The following LRRC8D variants were observed in gnomAD, a reference collection of about 807,000 sequenced individuals.
The protein encoded by LRRC8D is leucine rich repeat containing 8 VRAC subunit D.
Under a neutral mutation model 55.8 loss-of-function variants are expected in LRRC8D, and 20 were observed. That is an observed-to-expected ratio of 0.36 (90% confidence interval 0.25 to 0.52). LRRC8D has a LOEUF of 0.52. Ranked by LOEUF, LRRC8D falls within the 20% of genes least tolerant of loss-of-function variation. The probability of loss-of-function intolerance (pLI) is 0.93; values close to 1 mark genes in which losing one functional copy is unlikely to be tolerated. For missense variants in LRRC8D, 651 were observed against 1,030.8 expected, an observed-to-expected ratio of 0.63 and a Z score of 5.05; for synonymous variants, 352 against 377.0, an observed-to-expected ratio of 0.93 and a Z score of 0.77.
intron 2 of LRRC8D, among the ~76,000 whole-genome samples, chr1:89,908,155 A>G (rs552208500): frequency 6.6e-6 from 1 of 152,362 alleles, no homozygotes; most frequent in Admixed American, 6.5e-5. Context: ...GTATCATTTT[A>G]AGGATCAACC....
intron 2 of LRRC8D, among the ~76,000 whole-genome samples, chr1:89,909,165 C>G (rs1320715124): frequency 6.6e-6 from 1 of 152,072 alleles, no homozygotes; most frequent in Non-Finnish European, 1.5e-5. Context: ...GGGCAGGAAG[C>G]TCTATGTGAG....
chr1:89,892,442 C>T (rs974483257), intron 2 of LRRC8D, among the ~76,000 whole-genome samples: 2 of 152,120 alleles, frequency 1.3e-5, no homozygotes, highest in Non-Finnish European at 2.9e-5. Flanking sequence ...CCAAGTTCCC[C>T]GCTTGGCATT....
chr1:89,843,177 C>T (rs1374095928), intron 1 of LRRC8D: 3 of 153,412 alleles, frequency 2.0e-5, no homozygotes, highest in Middle Eastern at 3.4e-3. Flanking sequence ...GCCCCTACTC[C>T]CCTGCAAAGG....
intron 2 of LRRC8D, among the ~76,000 whole-genome samples, chr1:89,844,204 G>C (rs972783375): frequency 1.3e-5 from 2 of 152,236 alleles, no homozygotes; most frequent in African/African-American, 4.8e-5. Context: ...GGTGGTGGGA[G>C]GGTAAGGGGT....
intron 2 of LRRC8D, among the ~76,000 whole-genome samples, chr1:89,926,524 A>C (rs1294035978): frequency 6.6e-6 from 1 of 152,234 alleles, no homozygotes; most frequent in African/African-American, 2.4e-5. Context: ...TAAGCCAAGG[A>C]CAACAGTGAG....
In LRRC8D at chr1:89,821,077, TGCTGCC is replaced by T. The variant is rs3033165; in HGVS notation, c.-347_-342del. On this transcript the variant is annotated 5_prime_UTR_variant, in exon 1 of 3. Coordinates refer to ENST00000337338, the MANE Select transcript of LRRC8D (RefSeq NM_001134479.2). ...CATGTGCTGCTGCTCCCGTCGCCGC[TGCTGCC>T]GCTGCCGCTGCCGCCGCCCGTGGTG... The T allele has an allele frequency of 0.98, 150,074 of 153,336 alleles. 73,447 individuals are homozygous for T. Among genetic ancestry groups the T allele is most frequent in the South Asian group, 0.99 (5,599 of 5,630 alleles). The allele number at this position is 153,336 out of a possible 1,614,324, so 9.5% of individuals were successfully genotyped here. A position where few individuals can be genotyped will look rare whatever the true frequency, so the allele number is the denominator to read the frequency against.
chr1:89,903,384 A>G (rs1570875756), intron 2 of LRRC8D, among the ~76,000 whole-genome samples: 1 of 152,182 alleles, frequency 6.6e-6, no homozygotes, highest in African/African-American at 2.4e-5. Context: ...CTTCTCTGTA[A>G]CGGCATCTTT....
chr1:89,869,579 C>G (rs975273131), intron 2 of LRRC8D, among the ~76,000 whole-genome samples: 2 of 152,030 alleles, frequency 1.3e-5, no homozygotes, highest in Non-Finnish European at 2.9e-5. Flanking sequence ...GCAAGACATG[C>G]CGACATTCAA....
intron 1 of LRRC8D, among the ~76,000 whole-genome samples, chr1:89,841,262 T>G (rs1661123957): frequency 6.6e-6 from 1 of 152,220 alleles, no homozygotes; most frequent in Admixed American, 6.5e-5. Context: ...CCTTGCAGTC[T>G]TCTTCCCCGC....
intron 2 of LRRC8D, among the ~76,000 whole-genome samples, chr1:89,857,163 A>T (rs1361561296): frequency 6.6e-6 from 1 of 152,006 alleles, no homozygotes; most frequent in East Asian, 1.9e-4. Flanking sequence ...CAGGTGGATC[A>T]CCTGAGGTTG....
chr1:89,829,312 A>C (rs1054273371), intron 1 of LRRC8D, among the ~76,000 whole-genome samples: 1 of 152,238 alleles, frequency 6.6e-6, no homozygotes, highest in South Asian at 2.1e-4. Context: ...TGGAATTTAC[A>C]TGCATTCTCA....
intron 2 of LRRC8D, among the ~76,000 whole-genome samples, chr1:89,886,684 G>T (rs1662428717): frequency 6.6e-6 from 1 of 152,132 alleles, no homozygotes; most frequent in Non-Finnish European, 1.5e-5. Flanking sequence ...TAATAAAACG[G>T]AAATATGCAC....
intron 2 of LRRC8D, among the ~76,000 whole-genome samples, chr1:89,914,612 T>G (rs1304033080): frequency 6.6e-6 from 1 of 152,210 alleles, no homozygotes; most frequent in Admixed American, 6.5e-5. Context: ...TGGCCTATAA[T>G]TAGGGTGACA....
intron 2 of LRRC8D, among the ~76,000 whole-genome samples, chr1:89,878,963 G>T (rs143344918): frequency 6.5e-5 from 8 of 122,814 alleles, no homozygotes; most frequent in Non-Finnish European, 1.4e-4. Flanking sequence ...GCGAAAATCC[G>T]TCTCAAAAAA....
chr1:89,905,351 AC>A (rs1315776890), intron 2 of LRRC8D, among the ~76,000 whole-genome samples: 1 of 152,240 alleles, frequency 6.6e-6, no homozygotes, highest in Non-Finnish European at 1.5e-5. Context: ...GCCTCCCAAG[AC>A]TTTTATGGGA....
chr1:89,844,205 G>A (rs1661217195), intron 2 of LRRC8D, among the ~76,000 whole-genome samples: 1 of 152,210 alleles, frequency 6.6e-6, no homozygotes, highest in South Asian at 2.1e-4. Context: ...GTGGTGGGAG[G>A]GTAAGGGGTT....
At chr1:89,831,915 G>A (rs899592393) in intron 1 of LRRC8D, among the ~76,000 whole-genome samples, 31 of 152,176 alleles carry the variant, frequency 2.0e-4, no homozygotes, top group African/African-American at 7.5e-4. Context: ...GACATTGAGC[G>A]GGTATACACA....
At chr1:89,824,075 G>T (rs1313521304) in intron 1 of LRRC8D, among the ~76,000 whole-genome samples, 1 of 152,162 alleles carries the variant, frequency 6.6e-6, no homozygotes, top group Non-Finnish European at 1.5e-5. Context: ...GGTTATCATA[G>T]CGAGGTGGCA....
At position 89,935,069 on chromosome 1, in the gene LRRC8D, C is replaced by T. The variant is rs751952677; in HGVS notation, c.2001C>T (p.Ser667=). Reference sequence around the variant, plus strand: ...ATTTACAGGAACTGGATTTAAAGTCCAATAACATTCGCACAATTGAGGAAA... The same window carrying T: ...ATTTACAGGAACTGGATTTAAAGTCTAATAACATTCGCACAATTGAGGAAA... ...LSNLQELDLK[S]NNIRTIEEII... The change falls in exon 3 of 3, where the codon TCC becomes TCT. Residue 667 remains serine (S), a synonymous_variant. Coordinates refer to ENST00000337338, the MANE Select transcript of LRRC8D (RefSeq NM_001134479.2). 1 of 1,614,136 alleles carries T rather than the reference C, an allele frequency of 6.2e-7. No homozygotes were observed. Among genetic ancestry groups the T allele is most frequent in the South Asian group, 1.1e-5 (1 of 91,074 alleles).
Sources: gnomAD v4.1 joint callset for allele counts (sites outside exome capture counted in the v4.1 genomes callset) on GRCh38, gnomAD v4.1.1 for gene constraint, MANE v1.5 for transcripts, NCBI Gene and HGNC (gene_info 2026-07-23, HGNC 2026-07-21) for gene names.